AUTS2: variants seen among roughly 807,000 people sequenced by gnomAD.
AUTS2 encodes the protein activator of transcription and developmental regulator AUTS2.
AUTS2 carries 17 observed loss-of-function variants against 112.4 expected under a neutral mutation model. The ratio of observed to expected loss-of-function variants is 0.15; its 90% CI spans 0.10 to 0.23. AUTS2 has a LOEUF of 0.23. Ranked by LOEUF, AUTS2 falls within the 10% of genes least tolerant of loss-of-function variation. AUTS2 has a pLI of 1.00. For synonymous variants in AUTS2, 751 were observed against 702.7 expected, an observed-to-expected ratio of 1.07 and a Z score of -1.09; for missense variants, 1,510 against 1,701.6, an observed-to-expected ratio of 0.89 and a Z score of 1.98.
intron 1 of AUTS2, among the ~76,000 whole-genome samples, chr7:69,894,124 AC>A (rs991527983): frequency 6.6e-6 from 1 of 151,112 alleles, no homozygotes; most frequent in African/African-American, 2.4e-5. Flanking sequence ...TTGTACACTT[AC>A]CCCCTCTATT....
chr7:70,541,182 A>G (rs1800538465), intron 5 of AUTS2, among the ~76,000 whole-genome samples: 2 of 151,714 alleles, frequency 1.3e-5, no homozygotes, highest in East Asian at 3.9e-4. Flanking sequence ...CATCCCTCCT[A>G]TTGCTTGGTT....
Position 70,791,249 on chromosome 7 carries a change from G to C in AUTS2, c.*253G>C. On this transcript the variant is annotated 3_prime_UTR_variant, in exon 19 of 19. Coordinates refer to ENST00000342771, the MANE Select transcript of AUTS2 (RefSeq NM_015570.4). ...TTTTGTTTCTCGTATAAAACTTTTTGATTTGAACCAAAACAGTGAAGATGA... is the reference window on the plus strand; with the variant it reads ...TTTTGTTTCTCGTATAAAACTTTTTCATTTGAACCAAAACAGTGAAGATGA... 4.2e-6 allele frequency: 1 copy of C among 235,520 alleles called. No homozygotes were observed. The highest frequency in any genetic ancestry group is 7.7e-6 in the Non-Finnish European group (1 of 129,034). The allele number at this position is 235,520 out of a possible 1,614,324, so 14.6% of individuals were successfully genotyped here.
intron 2 of AUTS2, among the ~76,000 whole-genome samples, chr7:69,944,402 G>A (rs973444572): frequency 2.0e-5 from 3 of 152,204 alleles, no homozygotes; most frequent in Admixed American, 2.0e-4. Context: ...GTCTCTTTCA[G>A]CATGGCTGCC....
Position 70,763,286 on chromosome 7 carries a change from C to T in AUTS2, c.1159C>T (p.Leu387Phe), listed in dbSNP as rs767989806. Residue 387 changes from leucine to phenylalanine, a missense_variant, in exon 7 of 19, where the codon CTC becomes TTC. Around this residue, in one of 3 missense-constraint regions of AUTS2, gnomAD observed 535 missense variants for 594.3 expected, o/e 0.90. Transcript: ENST00000342771. ...PVQAHPSAQS[L>F]SQPLSAYNSS... Reference sequence around the variant, plus strand: ...GCAGGCCCACCCCTCTGCTCAGAGCCTCTCCCAGCCATTGTCAGCCTACAA... The same window carrying T: ...GCAGGCCCACCCCTCTGCTCAGAGCTTCTCCCAGCCATTGTCAGCCTACAA... The T allele has an allele frequency of 1.2e-6, 2 of 1,606,500 alleles. No homozygotes were observed. The highest frequency in any genetic ancestry group is 1.1e-5 in the South Asian group (1 of 90,212).
At chr7:70,391,129 A>G (rs1793835186) in intron 4 of AUTS2, among the ~76,000 whole-genome samples, 1 of 152,206 alleles carries the variant, frequency 6.6e-6, no homozygotes. Context: ...TCTGGGGGTG[A>G]GGCCCTGGTA....
intron 1 of AUTS2, among the ~76,000 whole-genome samples, chr7:69,729,992 T>A (rs1786711667): frequency 1.5e-5 from 2 of 132,282 alleles, no homozygotes; most frequent in Non-Finnish European, 3.2e-5. Flanking sequence ...GTTGTTGTTT[T>A]AATTTTTTTT....
intron 1 of AUTS2, among the ~76,000 whole-genome samples, chr7:69,615,124 CTG>C (rs377616941): frequency 6.6e-6 from 1 of 152,072 alleles, no homozygotes; most frequent in Admixed American, 6.5e-5. Flanking sequence ...TAGATAGTAA[CTG>C]TGTCTTTTTA....
intron 2 of AUTS2, among the ~76,000 whole-genome samples, chr7:69,986,779 G>A (rs1798530103): frequency 1.3e-5 from 2 of 152,184 alleles, no homozygotes; most frequent in Admixed American, 6.5e-5. Flanking sequence ...TCACTTTTTA[G>A]TCTAGTATAT....
intron 1 of AUTS2, among the ~76,000 whole-genome samples, chr7:69,746,404 A>G (rs982753334): frequency 2.6e-5 from 4 of 152,200 alleles, no homozygotes; most frequent in Non-Finnish European, 1.5e-5. Flanking sequence ...AATATTTGGT[A>G]TCTCTGATGG....
rs1195152407 is a variant in AUTS2 at position 70,614,306 on chromosome 7, G to A, written c.691-84263G>A. Among the ~76,000 whole-genome samples, 6 of 152,022 alleles carry A rather than the reference G, an allele frequency of 3.9e-5. No individual in the cohort carries two copies. In the East Asian group the frequency reaches 9.6e-4, roughly 24 times the overall value. On this transcript the variant is annotated intron_variant, in intron 5 of 18. Transcript: ENST00000342771. The stretch of plus-strand genomic sequence containing the variant: ...TTAAATTACTTTTTTTTTTATGAAA[G>A]TGGGGACCAACATCATTTATGCAAC...
At chr7:70,343,276 T>C (rs1238481979) in intron 4 of AUTS2, among the ~76,000 whole-genome samples, 1 of 152,230 alleles carries the variant, frequency 6.6e-6, no homozygotes, top group Non-Finnish European at 1.5e-5. Flanking sequence ...ATCATGTGTG[T>C]TATGACCTAT....
At chr7:69,716,053 G>A (rs1027862335) in intron 1 of AUTS2, among the ~76,000 whole-genome samples, 3 of 152,110 alleles carry the variant, frequency 2.0e-5, no homozygotes, top group African/African-American at 7.2e-5. Flanking sequence ...GGAAATGGTC[G>A]CCAAATCCTT....
intron 5 of AUTS2, among the ~76,000 whole-genome samples, chr7:70,588,074 G>T (rs1802766159): frequency 6.6e-6 from 1 of 152,160 alleles, no homozygotes; most frequent in Non-Finnish European, 1.5e-5. Flanking sequence ...ATCAAAGATG[G>T]TTGGTCAGAT....
At chr7:69,808,602 G>A (rs2129524498) in intron 1 of AUTS2, among the ~76,000 whole-genome samples, 1 of 152,228 alleles carries the variant, frequency 6.6e-6, no homozygotes, top group East Asian at 1.9e-4. Flanking sequence ...CATTTTATCT[G>A]GATGGGCCCT....
At chr7:70,117,887 T>C (rs1293350588) in intron 2 of AUTS2, among the ~76,000 whole-genome samples, 3 of 152,094 alleles carry the variant, frequency 2.0e-5, no homozygotes, top group African/African-American at 7.2e-5. Context: ...TAGCTGGGAT[T>C]ACAGGCACAT....
Position 70,791,748 on chromosome 7 carries a change from G to A in AUTS2, c.*752G>A, listed in dbSNP as rs1048515832. On this transcript the variant is annotated 3_prime_UTR_variant, in exon 19 of 19. Coordinates refer to ENST00000342771, the MANE Select transcript of AUTS2 (RefSeq NM_015570.4). ...TTTCCTTGCTTGTTTTTTTTCAAAC[G>A]GAGAAACATCCTGTTTTGCAAATTG... 8 of 151,972 alleles carry A rather than the reference G, an allele frequency of 5.3e-5. No individual in the cohort carries two copies. The highest frequency in any genetic ancestry group is 1.9e-4 in the African/African-American group (8 of 41,338). The allele number at this position is 151,972 out of a possible 1,614,324, so 9.4% of individuals were successfully genotyped here.
At chr7:70,280,576 G>C (rs932425818) in intron 4 of AUTS2, among the ~76,000 whole-genome samples, 1 of 151,660 alleles carries the variant, frequency 6.6e-6, no homozygotes, top group Non-Finnish European at 1.5e-5. Context: ...GATTACAGGC[G>C]TGAGCCACTG....
chr7:70,363,776 A>C lies in AUTS2; in HGVS notation c.661-71976A>C, dbSNP rs1792400644. Among the ~76,000 whole-genome samples, 13 of 152,348 alleles carry C rather than the reference A, an allele frequency of 8.5e-5. 1 individual carries two copies. The South Asian group carries it at 2.7e-3, about 32-fold the overall frequency. The stretch of plus-strand genomic sequence containing the variant: ...AATCAAAGCAAACTAAAAACAAAAC[A>C]ATTCAGCTCAAATAACATTTTTTCC... On this transcript the variant is annotated intron_variant, in intron 4 of 18. Coordinates refer to ENST00000342771, the MANE Select transcript of AUTS2 (RefSeq NM_015570.4).
intron 5 of AUTS2, among the ~76,000 whole-genome samples, chr7:70,674,560 C>T (rs1807814723): frequency 6.6e-6 from 1 of 152,198 alleles, no homozygotes; most frequent in Non-Finnish European, 1.5e-5. Flanking sequence ...AGTGTTTTAT[C>T]ACCTAACGCG....
Sources: allele counts gnomAD v4.1 joint callset (sites outside exome capture counted in the v4.1 genomes callset), GRCh38; gene constraint gnomAD v4.1.1; regional missense constraint gnomAD v4.1.1; transcripts MANE v1.5; gene names NCBI Gene and HGNC (gene_info 2026-07-23, HGNC 2026-07-21).